CDH1: variants seen among roughly 807,000 people sequenced by gnomAD.
CDH1 encodes cadherin 1.
Under a neutral mutation model 84.5 loss-of-function variants are expected in CDH1, and 35 were observed. The ratio of observed to expected loss-of-function variants is 0.41; its 90% confidence interval spans 0.32 to 0.55. CDH1 has a LOEUF of 0.55. Among genes scored for constraint, CDH1 ranks in the 20% least tolerant of loss-of-function variants. The pLI is 0.19. For missense variants in CDH1, 994 were observed against 1,126.6 expected (o/e 0.88, Z 1.68); for synonymous variants, 417 against 439.0 (o/e 0.95, Z 0.63).
chr16:68,742,965 C>T (rs1031698695), intron 2 of CDH1, among the ~76,000 whole-genome samples: 1 of 152,190 alleles, frequency 6.6e-6, no homozygotes, highest in African/African-American at 2.4e-5. Flanking sequence ...CTGGCCTTGC[C>T]TTTGTGTCTC....
intron 2 of CDH1, among the ~76,000 whole-genome samples, chr16:68,752,240 C>T (rs1293961564): frequency 1.3e-5 from 2 of 152,204 alleles, no homozygotes; most frequent in African/African-American, 4.8e-5. Flanking sequence ...GCGTGAGCCA[C>T]CACACCCAAT....
At position 68,741,365 on chromosome 16, in the gene CDH1, G is replaced by T. The variant is rs921867912; in HGVS notation, c.163+2954G>T. ...GATTTTAAAAGGCCGCTAGGACTTG[G>T]GATGTGGCCTGACTCTCTTTGGACA... On this transcript the variant is annotated intron_variant, in intron 2 of 15. Coordinates refer to ENST00000261769, the MANE Select transcript of CDH1 (RefSeq NM_004360.5). Among the ~76,000 whole-genome samples, 6 of 152,270 alleles carry T rather than the reference G, an allele frequency of 3.9e-5. No individual in the cohort carries two copies. In the South Asian group the frequency reaches 6.2e-4, roughly 16 times the overall value.
At position 68,829,667 on chromosome 16, in the gene CDH1, G is replaced by A. The variant is rs2152142237; in HGVS notation, c.2309G>A (p.Ser770Asn). The change falls in exon 15 of 16, where the codon AGC becomes AAC. Residue 770 changes from serine to asparagine, a missense_variant. Physicochemically the swap from Ser to Asn is conservative, Grantham distance 46. Coordinates refer to ENST00000261769, the MANE Select transcript of CDH1 (RefSeq NM_004360.5). Reference sequence around the variant, plus strand: ...TTTTCTCCAAAGGACTTTGACTTGAGCCAGCTGCACAGGGGCCTGGACGCT... The same window carrying A: ...TTTTCTCCAAAGGACTTTGACTTGAACCAGCTGCACAGGGGCCTGGACGCT... ...GGEEDQDFDL[S>N]QLHRGLDARP... 1 of 1,614,136 alleles carries A rather than the reference G, an allele frequency of 6.2e-7. No individual in the cohort carries two copies. The highest frequency in any genetic ancestry group is 8.5e-7 in the Non-Finnish European group (1 of 1,180,034).
chr16:68,833,315 C>T lies in CDH1; in HGVS notation c.2465C>T (p.Pro822Leu), dbSNP rs1555518215. 1.2e-6 allele frequency: 2 copies of T among 1,614,158 alleles called. No individual in the cohort carries two copies. Among genetic ancestry groups the T allele is most frequent in the Non-Finnish European group, 1.7e-6 (2 of 1,180,024 alleles). The change falls in exon 16 of 16, where the codon CCC becomes CTC. Residue 822 changes from proline to leucine, a missense_variant. This residue lies in a region of CDH1 where 769 missense variants were observed against 881.8 expected (regional missense o/e 0.87). Transcript: ENST00000261769. Reference sequence around the variant, plus strand: ...AATCTGAAAGCGGCTGATACTGACCCCACAGCCCCGCCTTATGATTCTCTG... The same window carrying T: ...AATCTGAAAGCGGCTGATACTGACCTCACAGCCCCGCCTTATGATTCTCTG... ...DENLKAADTDPTAPPYDSLLV... is the reference protein window; with the variant it reads ...DENLKAADTDLTAPPYDSLLV...
chr16:68,741,871 A>T (rs895918090), intron 2 of CDH1, among the ~76,000 whole-genome samples: 1 of 152,110 alleles, frequency 6.6e-6, no homozygotes, highest in Non-Finnish European at 1.5e-5. Context: ...GGATTTCATC[A>T]TATTGGTCAG....
At chr16:68,759,785 C>A (rs905187898) in intron 2 of CDH1, among the ~76,000 whole-genome samples, 19 of 152,182 alleles carry the variant, frequency 1.2e-4, no homozygotes, top group African/African-American at 4.3e-4. Flanking sequence ...TGAGCCACCA[C>A]GCCGGGCCTG....
chr16:68,802,980 A>G (rs941259692), intron 3 of CDH1, among the ~76,000 whole-genome samples: 3 of 152,162 alleles, frequency 2.0e-5, no homozygotes, highest in Non-Finnish European at 4.4e-5. Context: ...GGAAGGATGG[A>G]TGGATGTCTG....
chr16:68,743,008 G>A (rs139471434), intron 2 of CDH1, among the ~76,000 whole-genome samples: 365 of 152,324 alleles, frequency 2.4e-3, no homozygotes, highest in Middle Eastern at 6.8e-3. Context: ...CTTGGGCCCG[G>A]CAAGGCCATG....
chr16:68,792,290 C>T (rs35219017), intron 2 of CDH1, among the ~76,000 whole-genome samples: 3,064 of 148,074 alleles, frequency 0.021, 109 homozygotes, highest in African/African-American at 0.072. Context: ...AGGGCAGTGG[C>T]GCAATCTTGA....
At position 68,833,610 on chromosome 16, in the gene CDH1, G is replaced by C. The variant is rs1961554887; in HGVS notation, c.*111G>C. ...GAGATGAGTTTCTGGGGAAAAAAAAGAGACTGGTTAGTGATGCAGTTAGTA... is the reference window on the plus strand; with the variant it reads ...GAGATGAGTTTCTGGGGAAAAAAAACAGACTGGTTAGTGATGCAGTTAGTA... On this transcript the variant is annotated 3_prime_UTR_variant, in exon 16 of 16. Transcript: ENST00000261769. The C allele has an allele frequency of 2.4e-6, 2 of 818,074 alleles. No homozygotes were observed. Among genetic ancestry groups the C allele is most frequent in the Non-Finnish European group, 4.2e-6 (2 of 473,960 alleles). The allele number at this position is 818,074 out of a possible 1,614,324, so 50.7% of individuals were successfully genotyped here.
At chr16:68,781,935 T>A (rs7186333) in intron 2 of CDH1, among the ~76,000 whole-genome samples, 44,634 of 151,848 alleles carry the variant, frequency 0.29, 6,642 homozygotes, top group Middle Eastern at 0.34. Flanking sequence ...TCCTAGGCAC[T>A]CACTGCTAAG....
intron 2 of CDH1, among the ~76,000 whole-genome samples, chr16:68,786,936 C>T (rs1960068016): frequency 6.6e-6 from 1 of 152,142 alleles, no homozygotes; most frequent in Admixed American, 6.5e-5. Context: ...CTTTCCAGCA[C>T]AGCCCACATT....
chr16:68,777,558 G>A (rs1409073618), intron 2 of CDH1, among the ~76,000 whole-genome samples: 2 of 14,032 alleles, frequency 1.4e-4, no homozygotes, highest in Non-Finnish European at 3.4e-4. Context: ...TTTTTTTTTT[G>A]AGAAGGGGGT....
At chr16:68,809,358 G>A (rs973270813) in intron 5 of CDH1, among the ~76,000 whole-genome samples, 3 of 151,256 alleles carry the variant, frequency 2.0e-5, no homozygotes, top group African/African-American at 7.3e-5. Context: ...CTGCCATCAT[G>A]CCCAGCTAAT....
intron 2 of CDH1, among the ~76,000 whole-genome samples, chr16:68,743,488 C>A (rs1185863819): frequency 2.0e-5 from 3 of 152,012 alleles, no homozygotes; most frequent in African/African-American, 7.3e-5. Context: ...GCCTCAGCCT[C>A]CTGAGTAGCT....
intron 2 of CDH1, among the ~76,000 whole-genome samples, chr16:68,793,930 C>CAA (rs35590027): frequency 6.9e-5 from 6 of 86,424 alleles, no homozygotes; most frequent in East Asian, 4.0e-4. Context: ...GACTCTGTCT[C>CAA]AAAAAAAAAA....
rs118174141 is a variant in CDH1, at chr16:68,779,493, C to T, written c.164-22177C>T. Among the ~76,000 whole-genome samples, 452 of 152,320 alleles carry T rather than the reference C, an allele frequency of 3.0e-3. 1 individual carries two copies. Among genetic ancestry groups the T allele is most frequent in the African/African-American group, 0.01 (423 of 41,576 alleles). On this transcript the variant is annotated intron_variant, in intron 2 of 15. Transcript: ENST00000261769. Reference sequence around the variant, plus strand: ...ATTCACCTGTGAAATGGGAGTAACACGGTACCTACCTTCTAGGCTGTTGTG... The same window carrying T: ...ATTCACCTGTGAAATGGGAGTAACATGGTACCTACCTTCTAGGCTGTTGTG...
Position 68,808,470 on chromosome 16 carries a change from CCT to C in CDH1, c.438_439del (p.Pro147TrpfsTer20), listed in dbSNP as rs1555515197. The C allele has an allele frequency of 6.2e-7, 1 of 1,614,098 alleles. No individual in the cohort carries two copies. The highest frequency in any genetic ancestry group is 8.5e-7 in the Non-Finnish European group (1 of 1,179,964). On this transcript the variant is annotated frameshift_variant, in exon 4 of 16. Transcript: ENST00000261769. LOFTEE classifies it high-confidence loss of function. The stretch of plus-strand genomic sequence containing the variant: ...GCAGAATTGCTCACATTTCCCAACT[CCT>C]CTCCTGGCCTCAGAAGACAGAAGAG...
At chr16:68,813,613 C>A in intron 9 of CDH1, 118 bp downstream of exon 9, 2 of 1,016,410 alleles carry the variant, frequency 2.0e-6, no homozygotes, top group Non-Finnish European at 3.1e-6. Flanking sequence ...GGTGACTTTC[C>A]CAGATTGTAG....
Sources: gnomAD v4.1 joint callset for allele counts (sites outside exome capture counted in the v4.1 genomes callset) on GRCh38, gnomAD v4.1.1 for gene constraint, gnomAD v4.1.1 regional missense constraint, MANE v1.5 for transcripts, NCBI Gene and HGNC (gene_info 2026-07-23, HGNC 2026-07-21) for gene names.